The following DMD variants were observed in gnomAD, a reference collection of about 807,000 sequenced individuals.
The protein encoded by DMD is dystrophin.
Under a neutral mutation model 330.1 loss-of-function variants are expected in DMD, and 63 were observed. That is an observed-to-expected ratio of 0.19 (90% CI 0.16 to 0.24). DMD has a LOEUF of 0.24. Among genes scored for constraint, DMD ranks in the 10% least tolerant of loss-of-function variants. DMD has a pLI of 1.00. For synonymous variants in DMD, 1,223 were observed against 959.8 expected, an observed-to-expected ratio of 1.27 and a Z score of -5.07; for missense variants, 3,344 against 2,684.1, an observed-to-expected ratio of 1.25 and a Z score of -5.43.
chrX:31,721,675 TCTCTCTCTCA>T (rs1202907339), intron 52 of DMD, among the ~76,000 whole-genome samples: 126 of 48,616 alleles, frequency 2.6e-3, no homozygotes, highest in African/African-American at 0.015. Context: ...CCAATCTCTC[TCTCTCTCTCA>T]CTCTCTCTCT....
intron 29 of DMD, among the ~76,000 whole-genome samples, chrX:32,415,632 T>C (rs1003647196): frequency 5.3e-5 from 6 of 112,414 alleles, no homozygotes; most frequent in African/African-American, 1.9e-4. Flanking sequence ...ACTGTTCCGC[T>C]GTTGTTTTAA....
At chrX:31,220,674 A>G (rs2147023830) in intron 64 of DMD, among the ~76,000 whole-genome samples, 1 of 110,551 alleles carries the variant, frequency 9.0e-6, no homozygotes, top group African/African-American at 3.3e-5. Context: ...CATGATCCCT[A>G]AACGTTGTTT....
intron 37 of DMD, among the ~76,000 whole-genome samples, chrX:32,360,966 A>G (rs1305039086): frequency 9.0e-6 from 1 of 110,976 alleles, no homozygotes; most frequent in Non-Finnish European, 1.9e-5. Context: ...AAAACTCACA[A>G]ACTTGTCTTG....
intron 33 of DMD, among the ~76,000 whole-genome samples, chrX:32,385,762 G>T (rs974073058): frequency 1.8e-5 from 2 of 110,111 alleles, no homozygotes; most frequent in Non-Finnish European, 3.8e-5. Context: ...GTCTTAACTG[G>T]CTATCCATGC....
intron 1 of DMD, among the ~76,000 whole-genome samples, chrX:33,332,796 A>G (rs1356103478): frequency 9.0e-6 from 1 of 111,548 alleles, no homozygotes; most frequent in Non-Finnish European, 1.9e-5. Flanking sequence ...GAAACAAAGT[A>G]AAACATGTAA....
Position 32,344,291 on chromosome X carries a change from A to G in DMD, c.5587-1005T>C, listed in dbSNP as rs184980009. 9.6e-3 allele frequency among the ~76,000 whole-genome samples: 1,070 copies of G among 111,911 alleles called. 2 individuals are homozygous for G. Among genetic ancestry groups the G allele is most frequent in the Non-Finnish European group, 0.015 (785 of 53,111 alleles). ...TCTAAAAATTTCATTCCATTGGAAA[A>G]TTTTGACCTTCTCTAAAATATTTCA... On this transcript the variant is annotated intron_variant, in intron 39 of 78. Coordinates refer to ENST00000357033, the MANE Select transcript of DMD (RefSeq NM_004006.3).
chrX:33,070,787 G>A (rs1017802223), intron 1 of DMD, among the ~76,000 whole-genome samples: 6 of 102,749 alleles, frequency 5.8e-5, no homozygotes, highest in Non-Finnish European at 9.8e-5. Context: ...TTTTTCAAGC[G>A]GGAGAATGAA....
chrX:31,598,442 G>A (rs1376288870), intron 55 of DMD, among the ~76,000 whole-genome samples: 1 of 111,443 alleles, frequency 9.0e-6, no homozygotes, highest in Non-Finnish European at 1.9e-5. Context: ...ATCTTTTAAT[G>A]TTAAACTTTT....
chrX:32,593,260 TCTTAG>T (rs1427711559), intron 13 of DMD, among the ~76,000 whole-genome samples: 1 of 112,674 alleles, frequency 8.9e-6, no homozygotes, highest in Non-Finnish European at 1.9e-5. Flanking sequence ...ATGATTTAGA[TCTTAG>T]CTTAAAGAAA....
At chrX:31,436,661 G>A (rs2064555089) in intron 60 of DMD, among the ~76,000 whole-genome samples, 1 of 111,868 alleles carries the variant, frequency 8.9e-6, no homozygotes, top group South Asian at 3.7e-4. Flanking sequence ...TTGACAGTAC[G>A]CTTTGACCTC....
intron 2 of DMD, among the ~76,000 whole-genome samples, chrX:32,925,149 T>G (rs1363338556): frequency 1.1e-3 from 91 of 84,028 alleles, no homozygotes; most frequent in South Asian, 4.4e-3. Flanking sequence ...CTCTGGGTTT[T>G]TTTTTTTTTT....
chrX:33,130,273 T>C (rs1195184932), intron 1 of DMD, among the ~76,000 whole-genome samples: 1 of 111,782 alleles, frequency 8.9e-6, no homozygotes, highest in Admixed American at 9.5e-5. Flanking sequence ...TTGTTCACAA[T>C]TGCACAACAG....
At chrX:31,520,838 C>G (rs1048537884) in intron 55 of DMD, among the ~76,000 whole-genome samples, 17 of 110,357 alleles carry the variant, frequency 1.5e-4, no homozygotes, top group Non-Finnish European at 2.8e-4. Context: ...CGCCACCACG[C>G]CCGGCTAATT....
At chrX:31,829,513 C>T (rs5927874) in intron 49 of DMD, among the ~76,000 whole-genome samples, 5,164 of 110,440 alleles carry the variant, frequency 0.047, 122 homozygotes, top group Middle Eastern at 0.13. Context: ...GCTTTCTTGC[C>T]TCATATTTTT....
chrX:33,079,274 C>T (rs902810775), intron 1 of DMD, among the ~76,000 whole-genome samples: 4 of 111,339 alleles, frequency 3.6e-5, no homozygotes, highest in African/African-American at 9.8e-5. Flanking sequence ...GGCCTCCTAA[C>T]GTGCTGGGAT....
intron 2 of DMD, among the ~76,000 whole-genome samples, chrX:32,856,706 A>T (rs1454368874): frequency 1.8e-5 from 2 of 111,789 alleles, no homozygotes; most frequent in East Asian, 5.6e-4. Context: ...TTTAGTGGGT[A>T]CAAAAATCTA....
rs1345431743 is a variant in DMD, at chrX:31,645,832, T to C, written c.8027+12158A>G. Among the ~76,000 whole-genome samples, 4 of 112,303 alleles carry C rather than the reference T, an allele frequency of 3.6e-5. No homozygotes were observed. In the Admixed American group the frequency reaches 3.8e-4, roughly 11 times the overall value. ...TTGTTGATTCACCAAGCATGCACTG[T>C]AATAAGGGTCTGATTACTCCTATGG... On this transcript the variant is annotated intron_variant, in intron 54 of 78. Coordinates refer to ENST00000357033, the MANE Select transcript of DMD (RefSeq NM_004006.3).
chrX:33,161,163 C>A (rs757580047), intron 1 of DMD, among the ~76,000 whole-genome samples: 1 of 111,886 alleles, frequency 8.9e-6, no homozygotes, highest in Non-Finnish European at 1.9e-5. Context: ...GTTAGATCAT[C>A]TTTCTAAGGG....
chrX:32,389,075 T>C (rs2097981906), intron 32 of DMD, among the ~76,000 whole-genome samples: 1 of 111,548 alleles, frequency 9.0e-6, no homozygotes, highest in Non-Finnish European at 1.9e-5. Context: ...CAGCTGTTTG[T>C]CCTTAAATTC....
Sources: gnomAD v4.1 joint callset for allele counts (sites outside exome capture counted in the v4.1 genomes callset) on GRCh38, gnomAD v4.1.1 for gene constraint, MANE v1.5 for transcripts, NCBI Gene and HGNC (gene_info 2026-07-23, HGNC 2026-07-21) for gene names.